NCALD: variants seen among roughly 807,000 people sequenced by gnomAD.
NCALD encodes the protein neurocalcin-delta.
Under a neutral mutation model 18.6 loss-of-function variants are expected in NCALD, and 10 were observed. The observed-to-expected ratio is 0.54, with a 90% CI of 0.33 to 0.91. NCALD has a LOEUF of 0.91. NCALD is among the 40% of genes least tolerant of loss of function. The pLI is 0.03. For missense variants in NCALD, 184 were observed against 247.6 expected (o/e 0.74, Z 1.72); for synonymous variants, 88 against 87.4 (o/e 1.01, Z -0.04).
intron 2 of NCALD, among the ~76,000 whole-genome samples, chr8:101,994,627 T>G (rs905223699): frequency 6.6e-6 from 1 of 152,372 alleles, no homozygotes; most frequent in Non-Finnish European, 1.5e-5. Flanking sequence ...AAGGTTGCCA[T>G]GTGCATGGCC....
At chr8:102,052,152 C>T (rs767250098) in intron 1 of NCALD, among the ~76,000 whole-genome samples, 2 of 152,118 alleles carry the variant, frequency 1.3e-5, no homozygotes, top group Non-Finnish European at 2.9e-5. Context: ...TGGTTGGCAG[C>T]TTAAGATAAT....
In NCALD at chr8:101,962,093, T is replaced by A. The variant is rs565423871; in HGVS notation, c.-156-46235A>T. Among the ~76,000 whole-genome samples, 366 of 151,584 alleles carry A rather than the reference T, an allele frequency of 2.4e-3. 1 individual carries two copies. The Middle Eastern group carries it at 0.027, about 11-fold the overall frequency. On this transcript the variant is annotated intron_variant, in intron 2 of 6. Transcript: ENST00000311028. The stretch of plus-strand genomic sequence containing the variant: ...ACTGTGGCTTATTCATTTTGTTATT[T>A]AAAAAAAAATGCAGAAGTCCATACT...
At chr8:101,919,960 A>G (rs898755360) in intron 2 of NCALD, among the ~76,000 whole-genome samples, 4 of 152,172 alleles carry the variant, frequency 2.6e-5, no homozygotes, top group African/African-American at 9.6e-5. Context: ...CAACCCCCAT[A>G]GAAAAGCAGT....
At chr8:101,699,224 C>G (rs545386557) in intron 2 of NCALD, among the ~76,000 whole-genome samples, 1 of 152,312 alleles carries the variant, frequency 6.6e-6, no homozygotes, top group African/African-American at 2.4e-5. Context: ...CCATCTCATG[C>G]CAGTCACAAT....
chr8:101,736,557 C>T (rs1261595273), intron 1 of NCALD, among the ~76,000 whole-genome samples: 1 of 152,178 alleles, frequency 6.6e-6, no homozygotes, highest in Non-Finnish European at 1.5e-5. Context: ...GTCTTAAGGG[C>T]ACAGAGTTAA....
chr8:101,751,200 C>T (rs928214162), intron 1 of NCALD, among the ~76,000 whole-genome samples: 5 of 152,126 alleles, frequency 3.3e-5, no homozygotes, highest in African/African-American at 1.2e-4. Context: ...CATGGGTGAA[C>T]CTCGAAGATA....
intron 2 of NCALD, among the ~76,000 whole-genome samples, chr8:101,971,007 T>C (rs1820219647): frequency 6.6e-6 from 1 of 152,196 alleles, no homozygotes; most frequent in Non-Finnish European, 1.5e-5. Context: ...GGTCCCTCCC[T>C]GTGTTTGCCT....
At chr8:101,818,418 C>T (rs914875951) in intron 4 of NCALD, among the ~76,000 whole-genome samples, 63 of 152,228 alleles carry the variant, frequency 4.1e-4, no homozygotes, top group Non-Finnish European at 2.9e-5. Context: ...GGAGAGCACA[C>T]GGCACTCACC....
chr8:101,881,334 C>A (rs1340522729), intron 4 of NCALD, among the ~76,000 whole-genome samples: 2 of 152,066 alleles, frequency 1.3e-5, no homozygotes, highest in African/African-American at 2.4e-5. Flanking sequence ...TTTGAAATAC[C>A]ATTTCTTAGC....
chr8:101,838,953 T>G (rs1814527614), intron 4 of NCALD, among the ~76,000 whole-genome samples: 1 of 152,246 alleles, frequency 6.6e-6, no homozygotes, highest in East Asian at 1.9e-4. Flanking sequence ...TCAGCATTTA[T>G]AGGGTTATGT....
intron 2 of NCALD, among the ~76,000 whole-genome samples, chr8:101,994,304 C>CTAGT (rs1821157541): frequency 6.6e-6 from 1 of 152,150 alleles, no homozygotes; most frequent in Admixed American, 6.5e-5. Flanking sequence ...CACTATTACT[C>CTAGT]TAGTGATAGT....
At chr8:102,101,751 T>G (rs549913354) in intron 1 of NCALD, among the ~76,000 whole-genome samples, 6 of 152,198 alleles carry the variant, frequency 3.9e-5, no homozygotes, top group Non-Finnish European at 8.8e-5. Flanking sequence ...TGAATGCCCC[T>G]TTGAAGAAAG....
intron 4 of NCALD, among the ~76,000 whole-genome samples, chr8:101,833,610 G>GT (rs555031298): frequency 0.059 from 5,225 of 88,242 alleles, 99 homozygotes; most frequent in Middle Eastern, 0.092. Flanking sequence ...TTTGTTTCTT[G>GT]TTTTTTTTTT....
chr8:102,030,009 C>T (rs1822611825), intron 1 of NCALD, among the ~76,000 whole-genome samples: 1 of 152,180 alleles, frequency 6.6e-6, no homozygotes, highest in Non-Finnish European at 1.5e-5. Context: ...GCACATGCCT[C>T]CTAAAAGAAT....
rs1391281823 is a variant in NCALD at position 101,689,183 on chromosome 8, G to A, written c.*126C>T. The A allele has an allele frequency of 4.8e-6, 4 of 840,706 alleles. No homozygotes were observed. The highest frequency in any genetic ancestry group is 2.0e-5 in the Admixed American group (1 of 49,798). The allele number at this position is 840,706 out of a possible 1,614,324, so 52.1% of individuals were successfully genotyped here. A position where few individuals can be genotyped will look rare whatever the true frequency, so the allele number is the denominator to read the frequency against. ...AGCTGAAGGCGTCACGGAGGAAGGC[G>A]CATCAGACCGCACAGGGGACGGCAT... On this transcript the variant is annotated 3_prime_UTR_variant, in exon 4 of 4. Transcript: ENST00000220931. The surrounding 1 kb of genome is among the most constrained non-coding windows in gnomAD (Gnocchi z 4.4).
At chr8:101,968,770 T>C (rs540797834) in intron 2 of NCALD, among the ~76,000 whole-genome samples, 5 of 152,310 alleles carry the variant, frequency 3.3e-5, no homozygotes, top group African/African-American at 1.2e-4. Context: ...ATATGCCTTC[T>C]TCACATTGTG....
chr8:101,775,229 G>T (rs189919442), intron 1 of NCALD, among the ~76,000 whole-genome samples: 47 of 152,278 alleles, frequency 3.1e-4, no homozygotes, highest in African/African-American at 1.1e-3. Context: ...GGCAAGAATT[G>T]CCATCAAGGC....
chr8:101,745,804 A>G (rs1810403019), intron 1 of NCALD: 1 of 152,208 alleles, frequency 6.6e-6, no homozygotes, highest in Non-Finnish European at 1.5e-5. Flanking sequence ...AATCTCTGTA[A>G]CAACTGTAAG....
intron 1 of NCALD, among the ~76,000 whole-genome samples, chr8:102,107,195 C>CATATATATATATATATAT (rs67447416): frequency 1.1e-5 from 1 of 89,302 alleles, no homozygotes; most frequent in African/African-American, 4.4e-5. Flanking sequence ...TATGTGTGTA[C>CATATATATATATATATAT]ATATATATAT....
Sources: allele counts gnomAD v4.1 joint callset (sites outside exome capture counted in the v4.1 genomes callset), GRCh38; gene constraint gnomAD v4.1.1; non-coding constraint Gnocchi (gnomAD v3.1); transcripts MANE v1.5; gene names NCBI Gene and HGNC (gene_info 2026-07-23, HGNC 2026-07-21).